Variants in ANO2 observed in about 807,000 individuals in gnomAD.
ANO2 encodes the protein anoctamin 2.
ANO2 carries 101 observed loss-of-function variants against 124.2 expected under a neutral mutation model. That is an observed-to-expected ratio of 0.81 (90% CI 0.69 to 0.96). ANO2 has a LOEUF of 0.96. Ranked by LOEUF, ANO2 falls within the 40% of genes least tolerant of loss-of-function variation. The probability of loss-of-function intolerance (pLI) is 0.00; values close to 1 mark genes in which losing one functional copy is unlikely to be tolerated. For missense variants in ANO2, 1,293 were observed against 1,274.5 expected, an observed-to-expected ratio of 1.01 and a Z score of -0.22; for synonymous variants, 486 against 482.5, an observed-to-expected ratio of 1.01 and a Z score of -0.09.
intron 10 of ANO2, among the ~76,000 whole-genome samples, chr12:5,784,115 T>C (rs996119913): frequency 6.6e-6 from 1 of 152,064 alleles, no homozygotes; most frequent in Non-Finnish European, 1.5e-5. Flanking sequence ...CCCTCAACAA[T>C]TGTGCTTTTT....
chr12:5,588,758 GCATTA>G (rs1330059749), intron 20 of ANO2, among the ~76,000 whole-genome samples: 1 of 152,186 alleles, frequency 6.6e-6, no homozygotes, highest in Non-Finnish European at 1.5e-5. Context: ...TGGCAGTAGT[GCATTA>G]CTTGTGACAC....
intron 2 of ANO2, among the ~76,000 whole-genome samples, chr12:5,921,693 A>G (rs1336584908): frequency 6.6e-6 from 1 of 151,752 alleles, no homozygotes; most frequent in African/African-American, 2.4e-5. Flanking sequence ...CACACACAGA[A>G]CCACACGCCC....
intron 15 of ANO2, among the ~76,000 whole-genome samples, chr12:5,638,720 T>G (rs1001664731): frequency 1.3e-4 from 20 of 151,972 alleles, no homozygotes; most frequent in Admixed American, 5.9e-4. Flanking sequence ...AGAACTGGTT[T>G]GGTAAAGATT....
intron 14 of ANO2, among the ~76,000 whole-genome samples, chr12:5,712,286 G>GA (rs559756746): frequency 8.0e-4 from 114 of 141,642 alleles, no homozygotes; most frequent in East Asian, 1.6e-3. Context: ...ACCTGACTTG[G>GA]AAAAAAAAAA....
chr12:5,777,710 A>C (rs952260032), intron 10 of ANO2, among the ~76,000 whole-genome samples: 1 of 152,220 alleles, frequency 6.6e-6, no homozygotes, highest in African/African-American at 2.4e-5. Context: ...ACCAAAATGC[A>C]TAGTATGGTT....
chr12:5,815,159 A>G (rs1953563970), intron 7 of ANO2, among the ~76,000 whole-genome samples: 1 of 152,140 alleles, frequency 6.6e-6, no homozygotes, highest in Non-Finnish European at 1.5e-5. Context: ...CACAAAACCT[A>G]CTTTCTAATG....
At position 5,739,341 on chromosome 12, in the gene ANO2, G is replaced by C. The variant is rs1483815256; in HGVS notation, c.1410C>G (p.Asp470Glu). ...RLQMRLGYFW[D>E]LTGIEEEEEH... is the part of the protein sequence containing the mutation. Reference sequence around the variant, plus strand: ...CTTCTTCCTCTTCTATGCCAGTCAGGTCCCAAAAGTAGCCCAGTCGCATCT... The same window carrying C: ...CTTCTTCCTCTTCTATGCCAGTCAGCTCCCAAAAGTAGCCCAGTCGCATCT... Residue 470 changes from aspartate (D) to glutamate (E), a missense_variant, in exon 13 of 25, where the codon GAC (aspartate) becomes GAG (glutamate). Transcript: ENST00000682330. The C allele has an allele frequency of 6.2e-7, 1 of 1,606,618 alleles. No individual in the cohort carries two copies. The highest frequency in any genetic ancestry group is 8.5e-7 in the Non-Finnish European group (1 of 1,176,614).
intron 10 of ANO2, among the ~76,000 whole-genome samples, chr12:5,786,957 C>A (rs1952557685): frequency 6.6e-6 from 1 of 152,174 alleles, no homozygotes; most frequent in Admixed American, 6.5e-5. Flanking sequence ...ATGTTCACAG[C>A]AGTCATTCAC....
chr12:5,844,852 T>TGTTTGTTG (rs879785733), intron 4 of ANO2, among the ~76,000 whole-genome samples: 1 of 151,934 alleles, frequency 6.6e-6, no homozygotes, highest in Admixed American at 6.6e-5. Flanking sequence ...TTTGTTTGTT[T>TGTTTGTTG]GTTTGTTTGT....
At chr12:5,909,968 C>T (rs1301703189) in intron 3 of ANO2, among the ~76,000 whole-genome samples, 3 of 152,106 alleles carry the variant, frequency 2.0e-5, no homozygotes, top group Non-Finnish European at 2.9e-5. Flanking sequence ...TTATCCGAGG[C>T]AACAAGGAGA....
chr12:5,587,704 C>T (rs1326158580), intron 20 of ANO2, among the ~76,000 whole-genome samples: 1 of 152,104 alleles, frequency 6.6e-6, no homozygotes, highest in African/African-American at 2.4e-5. Flanking sequence ...GAGATTCCCT[C>T]GAAAGCCAGC....
intron 16 of ANO2, among the ~76,000 whole-genome samples, chr12:5,628,329 T>A (rs1945518623): frequency 6.6e-6 from 1 of 152,210 alleles, no homozygotes; most frequent in South Asian, 2.1e-4. Context: ...CGACCTCTTG[T>A]CATTCACATA....
rs537586576 is a variant in ANO2 at position 5,904,344 on chromosome 12, T to C, written c.534+16696A>G. On this transcript the variant is annotated intron_variant, in intron 3 of 24. Coordinates refer to ENST00000682330, the MANE Select transcript of ANO2 (RefSeq NM_001364791.2). This position sits in a 1 kb window ranked among gnomAD's most constrained non-coding sequence, Gnocchi z 4.1. ...CTAAGGCTTTGATCCCTGAGAAAAATGCAGCTGCCGCAAAGCAGGGTTACA... is the reference window on the plus strand; with the variant it reads ...CTAAGGCTTTGATCCCTGAGAAAAACGCAGCTGCCGCAAAGCAGGGTTACA... Among the ~76,000 whole-genome samples, 3 of 152,174 alleles carry C rather than the reference T, an allele frequency of 2.0e-5. No individual in the cohort carries two copies. The highest frequency in any genetic ancestry group is 7.2e-5 in the African/African-American group (3 of 41,524).
At chr12:5,639,979 C>T (rs1946247119) in intron 15 of ANO2, among the ~76,000 whole-genome samples, 1 of 152,096 alleles carries the variant, frequency 6.6e-6, no homozygotes, top group Admixed American at 6.5e-5. Context: ...AGGCACCTAG[C>T]TCTAGAGGAG....
chr12:5,700,045 A>C (rs1949340691), intron 14 of ANO2, among the ~76,000 whole-genome samples: 1 of 152,178 alleles, frequency 6.6e-6, no homozygotes, highest in African/African-American at 2.4e-5. Context: ...ACAGAAAATT[A>C]ACAAGGATAT....
intron 19 of ANO2, among the ~76,000 whole-genome samples, chr12:5,609,910 A>G (rs1159463297): frequency 1.2e-4 from 17 of 146,760 alleles, no homozygotes; most frequent in African/African-American, 4.0e-4. Flanking sequence ...AAATTTGTAT[A>G]TAAATTTATA....
At position 5,759,567 on chromosome 12, in the gene ANO2, C is replaced by T. The variant is rs1430646521; in HGVS notation, c.1056-8597G>A. ...ATCAGATCAGCAGCAGCATTAGATT[C>T]TCAAAGGAGCATGAACCCTATTGTG... On this transcript the variant is annotated intron_variant, in intron 10 of 24. Coordinates refer to ENST00000682330, the MANE Select transcript of ANO2 (RefSeq NM_001364791.2). Among the ~76,000 whole-genome samples, 3 of 149,900 alleles carry T rather than the reference C, an allele frequency of 2.0e-5. No homozygotes were observed. In the East Asian group the frequency reaches 5.8e-4, roughly 29 times the overall value.
chr12:5,594,743 T>C (rs185820871), intron 20 of ANO2, among the ~76,000 whole-genome samples: 49 of 152,092 alleles, frequency 3.2e-4, no homozygotes, highest in Admixed American at 3.3e-4. Flanking sequence ...GAGGCTGAGG[T>C]GAGAGGGTCA....
In ANO2 at chr12:5,767,649, T is replaced by C. The variant is rs532938884; in HGVS notation, c.1056-16679A>G. Among the ~76,000 whole-genome samples the C allele has an allele frequency of 2.6e-5, 4 of 152,360 alleles. No homozygotes were observed. The South Asian group carries it at 6.2e-4, about 24-fold the overall frequency. On this transcript the variant is annotated intron_variant, in intron 10 of 24. Coordinates refer to ENST00000682330, the MANE Select transcript of ANO2 (RefSeq NM_001364791.2). ...TAGATTCAGATGGTGAAACAGTTGATGGTATCTCAGTCTTTAAAAACAAAC... is the reference window on the plus strand; with the variant it reads ...TAGATTCAGATGGTGAAACAGTTGACGGTATCTCAGTCTTTAAAAACAAAC...
Sources: gnomAD v4.1 joint callset for allele counts (sites outside exome capture counted in the v4.1 genomes callset) on GRCh38, gnomAD v4.1.1 for gene constraint, Gnocchi (gnomAD v3.1) non-coding constraint, MANE v1.5 for transcripts, NCBI Gene and HGNC (gene_info 2026-07-23, HGNC 2026-07-21) for gene names.